Variants in SMAD7 observed in about 807,000 individuals in gnomAD.
SMAD7 encodes the protein SMAD family member 7, also known as MAD (mothers against decapentaplegic, Drosophila) homolog 7.
Under a neutral mutation model 38.7 loss-of-function variants are expected in SMAD7, and 8 were observed. The observed-to-expected ratio is 0.21, with a 90% confidence interval of 0.12 to 0.37. The LOEUF is 0.37. Among genes scored for constraint, SMAD7 ranks in the 10% least tolerant of loss-of-function variants. The probability of loss-of-function intolerance (pLI) is 1.00; values close to 1 mark genes in which losing one functional copy is unlikely to be tolerated. For synonymous variants in SMAD7, 327 were observed against 265.1 expected (o/e 1.23, Z -2.27); for missense variants, 477 against 577.9 (o/e 0.83, Z 1.79).
chr18:48,931,629 G>A (rs968616512), intron 3 of SMAD7, among the ~76,000 whole-genome samples: 1 of 152,202 alleles, frequency 6.6e-6, no homozygotes, highest in Non-Finnish European at 1.5e-5. Flanking sequence ...TCATCAATAG[G>A]GGGATCATTC....
chr18:48,921,965 G>T lies in SMAD7; in HGVS notation c.743-55C>A. ...TGGGGACAGGCATTGGTGACTCCTAGAATGAAGACACCCGCCCCCCCACTG... is the reference window on the plus strand; with the variant it reads ...TGGGGACAGGCATTGGTGACTCCTATAATGAAGACACCCGCCCCCCCACTG... On this transcript the variant is annotated intron_variant, in intron 3 of 3. Coordinates refer to ENST00000262158, the MANE Select transcript of SMAD7 (RefSeq NM_005904.4). This position sits in a 1 kb window ranked among gnomAD's most constrained non-coding sequence, Gnocchi z 6.4. 1.4e-6 allele frequency: 2 copies of T among 1,386,452 alleles called. No homozygotes were observed. The highest frequency in any genetic ancestry group is 2.3e-5 in the East Asian group (1 of 43,654). 85.9% of individuals were successfully genotyped at this position (1,386,452 alleles called of 1,614,324 possible).
At chr18:48,948,082 G>A (rs1307641022) in intron 2 of SMAD7, among the ~76,000 whole-genome samples, 1 of 152,068 alleles carries the variant, frequency 6.6e-6, no homozygotes, top group Non-Finnish European at 1.5e-5. Flanking sequence ...GTCCTATTTG[G>A]TTCCCAAGAC....
chr18:48,937,286 G>GTGTGTGTC (rs2070080309), intron 3 of SMAD7, among the ~76,000 whole-genome samples: 1 of 150,790 alleles, frequency 6.6e-6, no homozygotes, highest in African/African-American at 2.4e-5. Flanking sequence ...GTGTGTGTGT[G>GTGTGTGTC]TGTGTGTGTG....
rs553565610 is a variant in SMAD7 at position 48,949,994 on chromosome 18, G to T, written c.431C>A (p.Ala144Glu). The T allele has an allele frequency of 1.6e-5, 25 of 1,585,182 alleles. No individual in the cohort carries two copies. Among genetic ancestry groups the T allele is most frequent in the Non-Finnish European group, 2.1e-5 (24 of 1,167,232 alleles). Reference protein sequence around the residue: ...CRLGPGAPAGAQPAQPPSSYS... With the variant: ...CRLGPGAPAGEQPAQPPSSYS... ...GGACGAGGGCGGCTGCGCAGGCTGC[G>T]CGCCGGCGGGCGCCCCCGGGCCCAG... The change falls in exon 1 of 4, where the codon GCG becomes GAG. Residue 144 changes from alanine to glutamate, a missense_variant. Ala to Glu is a moderately radical substitution (Grantham distance 107, BLOSUM62 -1). Transcript: ENST00000262158.
intron 2 of SMAD7, among the ~76,000 whole-genome samples, chr18:48,946,741 T>C (rs1182516329): frequency 6.6e-6 from 1 of 152,176 alleles, no homozygotes; most frequent in Admixed American, 6.5e-5. Flanking sequence ...CACTTGCTAA[T>C]GAATAAATAT....
chr18:48,936,802 G>A (rs1002054398), intron 3 of SMAD7, among the ~76,000 whole-genome samples: 7 of 152,134 alleles, frequency 4.6e-5, no homozygotes, highest in Non-Finnish European at 8.8e-5. Flanking sequence ...CAAAGAGGCC[G>A]GGCGCAGTGG....
intron 3 of SMAD7, among the ~76,000 whole-genome samples, chr18:48,934,043 T>C (rs2070035150): frequency 6.6e-6 from 1 of 152,170 alleles, no homozygotes; most frequent in African/African-American, 2.4e-5. Context: ...CCATGCCCTG[T>C]GTCATTAGAA....
chr18:48,920,879 C>T lies in SMAD7; in HGVS notation c.*493G>A, dbSNP rs1290762491. 3 of 154,346 alleles carry T rather than the reference C, an allele frequency of 1.9e-5. No individual in the cohort carries two copies. Among genetic ancestry groups the T allele is most frequent in the African/African-American group, 7.2e-5 (3 of 41,470 alleles). 9.6% of individuals were successfully genotyped at this position (154,346 alleles called of 1,614,324 possible). Reference sequence around the variant, plus strand: ...TTGCCCAGGTACTGCCTCTGCCCCACTGAGCGTGTCCAAGGGGCAGGAGAG... The same window carrying T: ...TTGCCCAGGTACTGCCTCTGCCCCATTGAGCGTGTCCAAGGGGCAGGAGAG... On this transcript the variant is annotated 3_prime_UTR_variant, in exon 4 of 4. Transcript: ENST00000262158.
rs1250375952 is a variant in SMAD7, at chr18:48,950,785, C to T, written c.-361G>A. 1 of 150,928 alleles carries T rather than the reference C, an allele frequency of 6.6e-6. No homozygotes were observed. Among genetic ancestry groups the T allele is most frequent in the Non-Finnish European group, 1.5e-5 (1 of 67,732 alleles). 9.3% of individuals were successfully genotyped at this position (150,928 alleles called of 1,614,324 possible). On this transcript the variant is annotated 5_prime_UTR_variant, in exon 1 of 4. Transcript: ENST00000262158. ...CCGAGCCTGCCCCCGTCGGCGCCTC[C>T]CCAAAAAGAGGCCCCCCCGCAGTGG...
At position 48,950,470 on chromosome 18, in the gene SMAD7, CG is replaced by C; in HGVS notation, c.-47del. On this transcript the variant is annotated 5_prime_UTR_variant, in exon 1 of 4. It introduces an in-frame stop codon into an upstream open reading frame of the 5' UTR. Transcript: ENST00000262158. ...GAAAAGTCGTTTGCCTGCTAAGGAG[CG>C]AACATGACCTCCGCACACCATGAAG... 2.0e-6 allele frequency: 3 copies of C among 1,513,292 alleles called. No individual in the cohort carries two copies. The highest frequency in any genetic ancestry group is 2.7e-6 in the Non-Finnish European group (3 of 1,128,894). 93.7% of individuals were successfully genotyped at this position (1,513,292 alleles called of 1,614,324 possible).
Position 48,934,209 on chromosome 18 carries a change from T to G in SMAD7, c.742+8272A>C, listed in dbSNP as rs368850389. Among the ~76,000 whole-genome samples the G allele has an allele frequency of 1.8e-3, 274 of 152,316 alleles. 2 individuals carry two copies. The highest frequency in any genetic ancestry group is 6.1e-3 in the African/African-American group (252 of 41,572). On this transcript the variant is annotated intron_variant, in intron 3 of 3. Coordinates refer to ENST00000262158, the MANE Select transcript of SMAD7 (RefSeq NM_005904.4). ...TTCCTCCAAAGCACAGCACCGTTAC[T>G]GGACACAGCTGTACCAGGGCAGCTC...
At chr18:48,931,935 A>C (rs932340607) in intron 3 of SMAD7, among the ~76,000 whole-genome samples, 3 of 151,688 alleles carry the variant, frequency 2.0e-5, no homozygotes, top group Admixed American at 1.3e-4. Flanking sequence ...GGGGCTTCTG[A>C]GTTTTTGCAG....
intron 2 of SMAD7, among the ~76,000 whole-genome samples, chr18:48,947,700 G>T (rs1001913327): frequency 1.3e-5 from 2 of 152,246 alleles, no homozygotes; most frequent in Non-Finnish European, 2.9e-5. Context: ...CTGCCGGCCA[G>T]AAGTTGAATG....
At chr18:48,927,483 G>A (rs1373791746) in intron 3 of SMAD7, among the ~76,000 whole-genome samples, 2 of 152,042 alleles carry the variant, frequency 1.3e-5, no homozygotes, top group East Asian at 1.9e-4. Flanking sequence ...CAGAACCCCC[G>A]CCCCTGTGCC....
chr18:48,934,784 AAC>A (rs2070044633), intron 3 of SMAD7, among the ~76,000 whole-genome samples: 1 of 152,112 alleles, frequency 6.6e-6, no homozygotes, highest in Admixed American at 6.5e-5. Flanking sequence ...AGAAAAAAAA[AAC>A]ACAAAACAGA....
rs773344484 is a variant in SMAD7, at chr18:48,949,905, C to T, written c.520G>A (p.Val174Ile). ...GATTCACAGCAACACAGCCTCTTGACTTCCGAGGAATGCCTGAGATCCGGC... is the reference window on the plus strand; with the variant it reads ...GATTCACAGCAACACAGCCTCTTGATTTCCGAGGAATGCCTGAGATCCGGC... ...RWPDLRHSSE[V>I]KRLCCCESYG... is the part of the protein sequence containing the mutation. Residue 174 changes from valine to isoleucine, a missense_variant, in exon 1 of 4, where the codon GTC becomes ATC. Physicochemically the swap from Val to Ile is conservative, Grantham distance 29. This residue lies in a region of SMAD7 where 376 missense variants were observed against 379.4 expected (regional missense o/e 0.99). Transcript: ENST00000262158. 3.7e-6 allele frequency: 6 copies of T among 1,613,828 alleles called. No homozygotes were observed. Among genetic ancestry groups the T allele is most frequent in the Admixed American group, 3.3e-5 (2 of 60,020 alleles).
Position 48,950,335 on chromosome 18 carries a change from T to C in SMAD7, c.90A>G (p.Gly30=). The C allele has an allele frequency of 3.9e-6, 6 of 1,537,798 alleles. No homozygotes were observed. Among genetic ancestry groups the C allele is most frequent in the Admixed American group, 4.0e-5 (2 of 50,238 alleles). Residue 30 remains glycine (G), a synonymous_variant, in exon 1 of 4, where the codon GGA becomes GGG. Transcript: ENST00000262158. ...CCCGCAGCTCGCCTCCTCCTCCACC[T>C]CCCCCTGCGCCCTCCTCCTCGTCCT... ...GGEDEEEGAG[G]GGGGGELRGE...
At chr18:48,929,936 T>A (rs2069976777) in intron 3 of SMAD7, among the ~76,000 whole-genome samples, 1 of 152,072 alleles carries the variant, frequency 6.6e-6, no homozygotes. Context: ...AAAGTCCTTT[T>A]CATTCCTCCC....
chr18:48,942,445 T>C lies in SMAD7; in HGVS notation c.742+36A>G, dbSNP rs937845583. ...CAGTCTTTAGCAATTTCAAAAAAGGTTGGAATTGCCAGGAAAATAAGAGAA... is the reference window on the plus strand; with the variant it reads ...CAGTCTTTAGCAATTTCAAAAAAGGCTGGAATTGCCAGGAAAATAAGAGAA... On this transcript the variant is annotated intron_variant, in intron 3 of 3. Transcript: ENST00000262158. 9 of 1,431,288 alleles carry C rather than the reference T, an allele frequency of 6.3e-6. No homozygotes were observed. The African/African-American group carries it at 8.7e-5, about 14-fold the overall frequency. 88.7% of individuals were successfully genotyped at this position (1,431,288 alleles called of 1,614,324 possible).
Sources: allele counts gnomAD v4.1 joint callset (sites outside exome capture counted in the v4.1 genomes callset), GRCh38; gene constraint gnomAD v4.1.1; regional missense constraint gnomAD v4.1.1; non-coding constraint Gnocchi (gnomAD v3.1); transcripts MANE v1.5; gene names NCBI Gene and HGNC (gene_info 2026-07-23, HGNC 2026-07-21).